Variants in RPS6KA2 observed in about 807,000 individuals in gnomAD.
The protein encoded by RPS6KA2 is ribosomal protein S6 kinase alpha-2.
In RPS6KA2, 42 loss-of-function variants were observed where a neutral mutation model predicts 91.8. The ratio of observed to expected loss-of-function variants is 0.46; its 90% confidence interval spans 0.36 to 0.59. The LOEUF (loss-of-function observed/expected upper bound fraction) is 0.59, where lower values mean the gene tolerates loss of function less well. RPS6KA2 is among the 20% of genes least tolerant of loss of function. The probability of loss-of-function intolerance (pLI) is 0.00; values close to 1 mark genes in which losing one functional copy is unlikely to be tolerated. For synonymous variants in RPS6KA2, 414 were observed against 393.6 expected, an observed-to-expected ratio of 1.05 and a Z score of -0.61; for missense variants, 798 against 978.5, an observed-to-expected ratio of 0.82 and a Z score of 2.46.
intron 2 of RPS6KA2, among the ~76,000 whole-genome samples, chr6:166,700,651 T>A (rs1368843206): frequency 1.3e-5 from 2 of 152,220 alleles, no homozygotes; most frequent in African/African-American, 4.8e-5. Flanking sequence ...AGTTTTTCCA[T>A]GCTAATGGCT....
chr6:166,787,226 G>A (rs1215162197), intron 2 of RPS6KA2, among the ~76,000 whole-genome samples: 1 of 152,082 alleles, frequency 6.6e-6, no homozygotes, highest in Non-Finnish European at 1.5e-5. Context: ...TTATCATGAT[G>A]TATAATTGAA....
intron 2 of RPS6KA2, among the ~76,000 whole-genome samples, chr6:166,670,492 G>C (rs1042768708): frequency 6.6e-5 from 10 of 152,150 alleles, no homozygotes; most frequent in African/African-American, 2.4e-4. Flanking sequence ...TGTACTAAAG[G>C]TAGTTAGTAC....
At chr6:166,573,056 G>C (rs1046852826) in intron 1 of RPS6KA2, among the ~76,000 whole-genome samples, 2 of 152,236 alleles carry the variant, frequency 1.3e-5, no homozygotes, top group African/African-American at 4.8e-5. Flanking sequence ...TGGGGTTCCC[G>C]GGGTGCCCAG....
rs547645135 is a variant in RPS6KA2 at position 166,493,552 on chromosome 6, G to A, written c.748-2811C>T. On this transcript the variant is annotated intron_variant, in intron 8 of 20. Transcript: ENST00000265678. This position sits in a 1 kb window ranked among gnomAD's most constrained non-coding sequence, Gnocchi z 4.7. ...GTTCCCACAGTCAAGTACACGCACC[G>A]GGGGAGGGAGGGCACTCCAAAGGAT... Among the ~76,000 whole-genome samples, 5 of 152,192 alleles carry A rather than the reference G, an allele frequency of 3.3e-5. No homozygotes were observed. The highest frequency in any genetic ancestry group is 9.6e-5 in the African/African-American group (4 of 41,522).
At chr6:166,710,852 C>A (rs1789825756) in intron 2 of RPS6KA2, among the ~76,000 whole-genome samples, 1 of 152,062 alleles carries the variant, frequency 6.6e-6, no homozygotes, top group East Asian at 1.9e-4. Flanking sequence ...AATCAGCAAC[C>A]CAGGAATTCC....
rs1382198122 is a variant in RPS6KA2, at chr6:166,435,899, G to A, written c.1333-3409C>T. On this transcript the variant is annotated intron_variant, in intron 14 of 20. Coordinates refer to ENST00000265678, the MANE Select transcript of RPS6KA2 (RefSeq NM_021135.6). This position sits in a 1 kb window ranked among gnomAD's most constrained non-coding sequence, Gnocchi z 4.3. ...GTGCTGCGTGGTTGGCGGCCCAGCC[G>A]CTGAGCCAGTCTGAGCCCCAGCTGA... 6.6e-6 allele frequency among the ~76,000 whole-genome samples: 1 copy of A among 152,206 alleles called. No homozygotes were observed. Among genetic ancestry groups the A allele is most frequent in the African/African-American group, 2.4e-5 (1 of 41,460 alleles).
intron 2 of RPS6KA2, among the ~76,000 whole-genome samples, chr6:166,696,764 T>C (rs1789371094): frequency 6.6e-6 from 1 of 152,184 alleles, no homozygotes; most frequent in African/African-American, 2.4e-5. Context: ...AAAAGCCAAC[T>C]CCCCCACAAG....
chr6:166,674,664 G>C (rs886882361), intron 2 of RPS6KA2, among the ~76,000 whole-genome samples: 1 of 152,172 alleles, frequency 6.6e-6, no homozygotes. Flanking sequence ...TGATGATGAA[G>C]ACAGTGTTTT....
chr6:166,556,761 G>A lies in RPS6KA2; in HGVS notation c.100-17977C>T, dbSNP rs1010118315. Among the ~76,000 whole-genome samples, 4 of 152,244 alleles carry A rather than the reference G, an allele frequency of 2.6e-5. 1 individual carries two copies. The highest frequency in any genetic ancestry group is 4.2e-4 in the South Asian group (2 of 4,808). ...CCCTCTGAGTCCAGCTGTCTGAATC[G>A]GGCGTCGTTATTCTAGGTAGGCCAC... On this transcript the variant is annotated intron_variant, in intron 1 of 20. Coordinates refer to ENST00000265678, the MANE Select transcript of RPS6KA2 (RefSeq NM_021135.6).
intron 2 of RPS6KA2, among the ~76,000 whole-genome samples, chr6:166,679,395 T>C (rs1230756029): frequency 6.6e-6 from 1 of 151,286 alleles, no homozygotes; most frequent in Non-Finnish European, 1.5e-5. Flanking sequence ...ACCTGGGAGG[T>C]GGAGGTTTCA....
chr6:166,655,566 G>C (rs185443007), intron 2 of RPS6KA2, among the ~76,000 whole-genome samples: 16 of 152,376 alleles, frequency 1.1e-4, no homozygotes, highest in African/African-American at 3.8e-4. Flanking sequence ...ATCTGAGACA[G>C]AGCAGGGCGG....
Position 166,433,240 on chromosome 6 carries a change from G to A in RPS6KA2, c.1333-750C>T, listed in dbSNP as rs1368059992. On this transcript the variant is annotated intron_variant, in intron 14 of 20. Transcript: ENST00000265678. The surrounding 1 kb of genome is among the most constrained non-coding windows in gnomAD (Gnocchi z 4.4). Reference sequence around the variant, plus strand: ...ATGGCTCTCACCAAGAGATGCTGGGGATGGTGCGCAGGCCAGACCTGCCTT... The same window carrying A: ...ATGGCTCTCACCAAGAGATGCTGGGAATGGTGCGCAGGCCAGACCTGCCTT... Among the ~76,000 whole-genome samples the A allele has an allele frequency of 6.6e-6, 1 of 152,180 alleles. No individual in the cohort carries two copies. The highest frequency in any genetic ancestry group is 1.5e-5 in the Non-Finnish European group (1 of 68,028).
chr6:166,579,963 C>T (rs1784954274), intron 1 of RPS6KA2, among the ~76,000 whole-genome samples: 1 of 152,246 alleles, frequency 6.6e-6, no homozygotes, highest in Non-Finnish European at 1.5e-5. Flanking sequence ...ATAGTGACAA[C>T]ACCTTCCTAA....
chr6:166,712,724 C>T (rs1023166079), intron 2 of RPS6KA2, among the ~76,000 whole-genome samples: 1 of 152,204 alleles, frequency 6.6e-6, no homozygotes, highest in Non-Finnish European at 1.5e-5. Flanking sequence ...TGGGCTGTGT[C>T]CCTCGATGTC....
chr6:166,578,419 T>C (rs1429065666), intron 1 of RPS6KA2, among the ~76,000 whole-genome samples: 1 of 152,150 alleles, frequency 6.6e-6, no homozygotes, highest in Non-Finnish European at 1.5e-5. Flanking sequence ...CCGGGCATCA[T>C]TATGTAGGAG....
rs115195401 is a variant in RPS6KA2 at position 166,755,133 on chromosome 6, G to A, written c.123+103067C>T. Among the ~76,000 whole-genome samples the A allele has an allele frequency of 6.5e-3, 990 of 152,298 alleles. 8 individuals carry two copies. Among genetic ancestry groups the A allele is most frequent in the African/African-American group, 0.023 (940 of 41,546 alleles). Reference sequence around the variant, plus strand: ...AATGTATGATTCCTCAGCCAAAGCCGTGAAGGGTGGCTTGGAGGTTTGCAT... The same window carrying A: ...AATGTATGATTCCTCAGCCAAAGCCATGAAGGGTGGCTTGGAGGTTTGCAT... On this transcript the variant is annotated intron_variant, in intron 2 of 21. Coordinates refer to the RPS6KA2 transcript ENST00000503859.
At chr6:166,623,320 G>A (rs1006653254) in intron 1 of RPS6KA2, among the ~76,000 whole-genome samples, 2 of 152,186 alleles carry the variant, frequency 1.3e-5, no homozygotes, top group Admixed American at 1.3e-4. Context: ...ACTAAGCTTT[G>A]GAGGTTCCAC....
At chr6:166,458,661 G>A (rs903204159) in intron 12 of RPS6KA2, among the ~76,000 whole-genome samples, 1 of 152,152 alleles carries the variant, frequency 6.6e-6, no homozygotes, top group Non-Finnish European at 1.5e-5. Context: ...CAGAAGAAAG[G>A]CCACGTGGGG....
intron 11 of RPS6KA2, among the ~76,000 whole-genome samples, chr6:166,468,254 TG>T (rs1229862940): frequency 6.6e-6 from 1 of 152,254 alleles, no homozygotes; most frequent in East Asian, 1.9e-4. Context: ...AGGGAGGCCT[TG>T]GTTTTCATTT....
Sources: allele counts gnomAD v4.1 joint callset (sites outside exome capture counted in the v4.1 genomes callset), GRCh38; gene constraint gnomAD v4.1.1; non-coding constraint Gnocchi (gnomAD v3.1); transcripts MANE v1.5; gene names NCBI Gene and HGNC (gene_info 2026-07-23, HGNC 2026-07-21).